Variants in ODAD2 observed in about 807,000 individuals in gnomAD.
The protein encoded by ODAD2 is outer dynein arm-docking complex subunit 2.
In ODAD2, 89 loss-of-function variants were observed where a neutral mutation model predicts 106.8. The ratio of observed to expected loss-of-function variants is 0.83; its 90% CI spans 0.70 to 0.99. ODAD2 has a LOEUF of 0.99. Among genes scored for constraint, ODAD2 ranks in the 50% least tolerant of loss-of-function variants. The probability of loss-of-function intolerance (pLI) is 0.00; values close to 1 mark genes in which losing one functional copy is unlikely to be tolerated. For synonymous variants in ODAD2, 404 were observed against 436.2 expected, an observed-to-expected ratio of 0.93 and a Z score of 0.92; for missense variants, 1,168 against 1,238.5, an observed-to-expected ratio of 0.94 and a Z score of 0.85.
chr10:27,895,722 G>A (rs1842815608), intron 17 of ODAD2, among the ~76,000 whole-genome samples: 7 of 152,202 alleles, frequency 4.6e-5, no homozygotes, highest in Admixed American at 3.9e-4. Context: ...ATCACGCAAA[G>A]TGCTATTAAT....
chr10:27,893,776 T>G (rs1842704432), intron 17 of ODAD2, among the ~76,000 whole-genome samples: 1 of 152,212 alleles, frequency 6.6e-6, no homozygotes, highest in African/African-American at 2.4e-5. Flanking sequence ...CTTCTTCTAG[T>G]TCCACTGTTT....
intron 2 of ODAD2, among the ~76,000 whole-genome samples, chr10:27,994,283 C>T (rs1850415645): frequency 1.3e-5 from 2 of 151,846 alleles, no homozygotes; most frequent in Non-Finnish European, 2.9e-5. Flanking sequence ...CATTCATCAC[C>T]CCTCCCCGCC....
chr10:27,941,847 C>T (rs145478988), intron 12 of ODAD2, among the ~76,000 whole-genome samples: 1,862 of 152,124 alleles, frequency 0.012, 38 homozygotes, highest in African/African-American at 0.042. Context: ...AGATACTGCC[C>T]GTAACCACCA....
chr10:27,922,810 G>A lies in ODAD2; in HGVS notation c.2495+12200C>T, dbSNP rs546196619. ...AATCCCAGCTACTATGGTGGCTGAG[G>A]CAGGAGAATCATTTGAACCCAGGAA... On this transcript the variant is annotated intron_variant, in intron 16 of 19. Transcript: ENST00000305242. Among the ~76,000 whole-genome samples, 4 of 152,206 alleles carry A rather than the reference G, an allele frequency of 2.6e-5. No individual in the cohort carries two copies. The South Asian group carries it at 8.3e-4, about 32-fold the overall frequency.
chr10:27,976,431 A>G (rs541965136), intron 7 of ODAD2, among the ~76,000 whole-genome samples: 7 of 152,264 alleles, frequency 4.6e-5, no homozygotes, highest in Admixed American at 4.6e-4. Context: ...AAATCAGCAT[A>G]CAAAAATCAA....
At chr10:27,930,905 T>C (rs985050187) in intron 16 of ODAD2, among the ~76,000 whole-genome samples, 11 of 152,194 alleles carry the variant, frequency 7.2e-5, no homozygotes, top group Non-Finnish European at 1.6e-4. Context: ...TCTTTTTGTG[T>C]TACAATCTGG....
In ODAD2 at chr10:27,936,806, A is replaced by G. The variant is rs1409688025; in HGVS notation, c.2172T>C (p.Asn724=). The G allele has an allele frequency of 6.2e-7, 1 of 1,614,002 alleles. No individual in the cohort carries two copies. The highest frequency in any genetic ancestry group is 8.5e-7 in the Non-Finnish European group (1 of 1,179,920). ...GGLKPLASLL[N]NTDNKERLAA... is the part of the protein sequence containing the mutation. The stretch of plus-strand genomic sequence containing the variant: ...CTAACCGCTCTTTATTGTCAGTGTT[A>G]TTGAGTAGACTGGCCAAGGGCTTAA... The change falls in exon 15 of 20, where the codon AAT becomes AAC. Residue 724 remains asparagine, a synonymous_variant. Coordinates refer to ENST00000305242, the MANE Select transcript of ODAD2 (RefSeq NM_018076.5).
chr10:27,889,223 T>C (rs545709984), intron 17 of ODAD2, among the ~76,000 whole-genome samples: 121 of 152,262 alleles, frequency 7.9e-4, no homozygotes, highest in Non-Finnish European at 1.2e-3. Flanking sequence ...AGAGATCAAG[T>C]TGGACCCAAC....
intron 16 of ODAD2, among the ~76,000 whole-genome samples, chr10:27,916,193 T>C (rs952253268): frequency 1.3e-5 from 2 of 152,060 alleles, no homozygotes; most frequent in Non-Finnish European, 2.9e-5. Context: ...TAGAGCAGCA[T>C]GACAGGAGAT....
At chr10:27,956,633 G>T (rs1470517736) in intron 10 of ODAD2, among the ~76,000 whole-genome samples, 1 of 152,100 alleles carries the variant, frequency 6.6e-6, no homozygotes, top group African/African-American at 2.4e-5. Flanking sequence ...CTACCAAAAA[G>T]CTGACCAACC....
chr10:27,991,860 C>T (rs1485877662), intron 2 of ODAD2, among the ~76,000 whole-genome samples: 2 of 152,184 alleles, frequency 1.3e-5, no homozygotes, highest in Non-Finnish European at 2.9e-5. Flanking sequence ...GTAGCTTCCC[C>T]ACTTTCAATA....
intron 17 of ODAD2, among the ~76,000 whole-genome samples, chr10:27,897,002 G>A (rs16928411): frequency 0.022 from 3,404 of 152,046 alleles, 57 homozygotes; most frequent in Non-Finnish European, 0.032. Flanking sequence ...CTACAACCAC[G>A]ACCGCCTAAT....
At chr10:27,862,911 A>G (rs1391435886) in intron 17 of ODAD2, among the ~76,000 whole-genome samples, 2 of 152,164 alleles carry the variant, frequency 1.3e-5, no homozygotes, top group African/African-American at 4.8e-5. Flanking sequence ...TGAGGATATC[A>G]AAGTTATTAA....
At chr10:27,861,970 G>T (rs1017677153) in intron 18 of ODAD2, among the ~76,000 whole-genome samples, 8 of 152,178 alleles carry the variant, frequency 5.3e-5, no homozygotes, top group Admixed American at 2.6e-4. Context: ...TCTCAAGGCT[G>T]CTTATTCTGT....
intron 9 of ODAD2, among the ~76,000 whole-genome samples, chr10:27,965,939 T>C (rs1848462156): frequency 6.6e-6 from 1 of 152,218 alleles, no homozygotes; most frequent in South Asian, 2.1e-4. Flanking sequence ...CTTATATCAA[T>C]TCATTCTCAT....
chr10:27,914,281 G>A (rs1384617232), intron 16 of ODAD2, among the ~76,000 whole-genome samples: 6 of 151,976 alleles, frequency 3.9e-5, no homozygotes, highest in South Asian at 2.1e-4. Flanking sequence ...CTTTAATTAC[G>A]CTGGTGACCA....
chr10:27,998,438 G>T (rs747916255), intron 1 of ODAD2, among the ~76,000 whole-genome samples: 1 of 151,986 alleles, frequency 6.6e-6, no homozygotes, highest in Non-Finnish European at 1.5e-5. Context: ...CGCTGGGAGC[G>T]GGAGGCAGAG....
At chr10:27,919,333 C>T (rs6481493) in intron 16 of ODAD2, among the ~76,000 whole-genome samples, 23,827 of 151,796 alleles carry the variant, frequency 0.16, 2,783 homozygotes, top group African/African-American at 0.33. Flanking sequence ...AAAGGACAAC[C>T]GAAAAATTGA....
At chr10:27,915,677 T>C (rs960426143) in intron 16 of ODAD2, among the ~76,000 whole-genome samples, 1 of 152,156 alleles carries the variant, frequency 6.6e-6, no homozygotes, top group Non-Finnish European at 1.5e-5. Flanking sequence ...TATAAAATGC[T>C]AGAAGGAAAA....
Sources: allele counts gnomAD v4.1 joint callset (sites outside exome capture counted in the v4.1 genomes callset), GRCh38; gene constraint gnomAD v4.1.1; transcripts MANE v1.5; gene names NCBI Gene and HGNC (gene_info 2026-07-23, HGNC 2026-07-21).